The following PDE4D variants were observed in gnomAD, a reference collection of about 807,000 sequenced individuals.
The protein encoded by PDE4D is 3',5'-cyclic-AMP phosphodiesterase 4D.
PDE4D carries 24 observed loss-of-function variants against 87.4 expected under a neutral mutation model. The observed-to-expected ratio is 0.27, with a 90% CI of 0.20 to 0.39. PDE4D has a LOEUF of 0.39. Ranked by LOEUF, PDE4D falls within the 10% of genes least tolerant of loss-of-function variation. The probability of loss-of-function intolerance (pLI) is 1.00; values close to 1 mark genes in which losing one functional copy is unlikely to be tolerated. For synonymous variants in PDE4D, 384 were observed against 383.2 expected (o/e 1.00, Z -0.02); for missense variants, 714 against 1,041.0 (o/e 0.69, Z 4.32).
intron 2 of PDE4D, among the ~76,000 whole-genome samples, chr5:60,127,922 C>T (rs1779252183): frequency 1.3e-5 from 2 of 151,960 alleles, no homozygotes; most frequent in Non-Finnish European, 1.5e-5. Context: ...ATTGCCAACA[C>T]TTAATGGTCA....
intron 1 of PDE4D, among the ~76,000 whole-genome samples, chr5:60,306,513 G>A (rs16874969): frequency 0.27 from 41,313 of 151,884 alleles, 6,874 homozygotes; most frequent in African/African-American, 0.46. Flanking sequence ...TTCATTTAAT[G>A]ACCTAGAAAA....
chr5:59,253,489 A>G (rs1331726501), intron 1 of PDE4D, among the ~76,000 whole-genome samples: 1 of 152,090 alleles, frequency 6.6e-6, no homozygotes, highest in Non-Finnish European at 1.5e-5. Context: ...CTGCAAACAC[A>G]GTCACTACAC....
chr5:59,688,261 T>C (rs549575429), intron 1 of PDE4D, among the ~76,000 whole-genome samples: 1 of 152,312 alleles, frequency 6.6e-6, no homozygotes, highest in East Asian at 1.9e-4. Flanking sequence ...ATCAACAGAA[T>C]ATACATTCTT....
chr5:60,345,816 T>A (rs1415549145), intron 1 of PDE4D, among the ~76,000 whole-genome samples: 1 of 152,110 alleles, frequency 6.6e-6, no homozygotes, highest in Admixed American at 6.6e-5. Context: ...TAGGATAAAT[T>A]TCTAAAACTG....
chr5:59,005,680 A>C (rs2153358242), intron 6 of PDE4D, among the ~76,000 whole-genome samples: 1 of 152,344 alleles, frequency 6.6e-6, no homozygotes, highest in East Asian at 1.9e-4. Flanking sequence ...TGCACAAAGA[A>C]CTTTACATAC....
rs1436448002 is a variant in PDE4D at position 60,460,565 on chromosome 5, TA to T, written c.-90+27376del. ...AAAATCTCCTCACTGGCTTCTTCAT[TA>T]AGTCTGTCTATTTCATTTTGTACTT... On this transcript the variant is annotated intron_variant, in intron 1 of 16. Coordinates refer to the PDE4D transcript ENST00000502484. The T allele has an allele frequency of 2.3e-6, 3 of 1,325,566 alleles. No individual in the cohort carries two copies. In the African/African-American group the frequency reaches 4.3e-5, roughly 19 times the overall value. 82.1% of individuals were successfully genotyped at this position (1,325,566 alleles called of 1,614,324 possible).
At chr5:59,173,034 T>C (rs1783266164) in intron 5 of PDE4D, among the ~76,000 whole-genome samples, 1 of 152,150 alleles carries the variant, frequency 6.6e-6, no homozygotes, top group Non-Finnish European at 1.5e-5. Flanking sequence ...TTTAAGTACA[T>C]TGACCAAAAT....
intron 1 of PDE4D, among the ~76,000 whole-genome samples, chr5:59,877,298 A>T (rs996922528): frequency 6.6e-6 from 1 of 152,132 alleles, no homozygotes; most frequent in African/African-American, 2.4e-5. Context: ...TATGGTGTCT[A>T]TGCAGATAGA....
intron 3 of PDE4D, among the ~76,000 whole-genome samples, chr5:59,948,933 A>G (rs1581867386): frequency 6.6e-6 from 1 of 152,218 alleles, no homozygotes; most frequent in Non-Finnish European, 1.5e-5. Flanking sequence ...AATGCTCACT[A>G]TGTGTGCCAG....
chr5:60,338,104 C>T (rs940688981), intron 1 of PDE4D, among the ~76,000 whole-genome samples: 14 of 151,804 alleles, frequency 9.2e-5, no homozygotes, highest in African/African-American at 2.9e-4. Flanking sequence ...GGTGAGTAGC[C>T]GGAGAAAAAA....
intron 5 of PDE4D, among the ~76,000 whole-genome samples, chr5:59,126,242 G>A (rs1775386706): frequency 1.3e-5 from 2 of 152,058 alleles, no homozygotes; most frequent in Admixed American, 6.6e-5. Flanking sequence ...GAAAGCAAAA[G>A]AGAACAAAAA....
intron 2 of PDE4D, among the ~76,000 whole-genome samples, chr5:60,110,924 T>A (rs780904667): frequency 1.3e-5 from 2 of 152,094 alleles, no homozygotes; most frequent in Non-Finnish European, 2.9e-5. Flanking sequence ...ATACCGCACA[T>A]TCTCACTCAT....
intron 2 of PDE4D, among the ~76,000 whole-genome samples, chr5:59,995,784 T>C (rs1763475550): frequency 6.6e-6 from 1 of 152,168 alleles, no homozygotes; most frequent in African/African-American, 2.4e-5. Flanking sequence ...CCTGGACACA[T>C]GGACACATCT....
chr5:59,295,030 T>C (rs1183185717), intron 1 of PDE4D, among the ~76,000 whole-genome samples: 1 of 152,162 alleles, frequency 6.6e-6, no homozygotes, highest in African/African-American at 2.4e-5. Flanking sequence ...TAGAAAATGA[T>C]AGGCATTTCA....
At chr5:59,266,197 G>A (rs537027492) in intron 1 of PDE4D, among the ~76,000 whole-genome samples, 15 of 151,962 alleles carry the variant, frequency 9.9e-5, no homozygotes, top group Non-Finnish European at 2.2e-4. Context: ...GTTCAAGGCT[G>A]TAGTGCATAT....
chr5:59,995,033 T>C (rs1341052392), intron 2 of PDE4D, among the ~76,000 whole-genome samples: 1 of 152,124 alleles, frequency 6.6e-6, no homozygotes, highest in African/African-American at 2.4e-5. Context: ...ATCAAAGCTG[T>C]AACAGAGAAC....
chr5:60,348,727 A>G (rs1758940419), intron 1 of PDE4D, among the ~76,000 whole-genome samples: 1 of 152,050 alleles, frequency 6.6e-6, no homozygotes, highest in Non-Finnish European at 1.5e-5. Context: ...TAAGGAATTG[A>G]TATTACTTTT....
chr5:60,122,748 G>A (rs115495725), intron 2 of PDE4D, among the ~76,000 whole-genome samples: 1,945 of 152,300 alleles, frequency 0.013, 49 homozygotes, highest in African/African-American at 0.045. Context: ...TCGGCCTCTC[G>A]TTACTTATGC....
At chr5:59,460,175 T>C (rs1205390467) in intron 1 of PDE4D, among the ~76,000 whole-genome samples, 3 of 152,128 alleles carry the variant, frequency 2.0e-5, no homozygotes, top group Non-Finnish European at 2.9e-5. Flanking sequence ...ATTAAATGTA[T>C]ATGTTATATG....
Sources: allele counts gnomAD v4.1 joint callset (sites outside exome capture counted in the v4.1 genomes callset), GRCh38; gene constraint gnomAD v4.1.1; transcripts MANE v1.5; gene names NCBI Gene and HGNC (gene_info 2026-07-23, HGNC 2026-07-21).